The following ZFAT variants were observed in gnomAD, a reference collection of about 807,000 sequenced individuals.
ZFAT encodes zinc finger protein ZFAT.
Under a neutral mutation model 117.7 loss-of-function variants are expected in ZFAT, and 64 were observed. The observed-to-expected ratio is 0.54, with a 90% CI of 0.44 to 0.67. The LOEUF (loss-of-function observed/expected upper bound fraction) is 0.67, where lower values mean the gene tolerates loss of function less well. Among genes scored for constraint, ZFAT ranks in the 30% least tolerant of loss-of-function variants. The pLI is 0.00. For missense variants in ZFAT, 1,433 were observed against 1,584.5 expected (o/e 0.90, Z 1.62); for synonymous variants, 679 against 615.0 (o/e 1.10, Z -1.54).
the ZFAT span, chr8:134,795,508 T>C: frequency 6.6e-6 from 1 of 152,142 alleles, no homozygotes; most frequent in Admixed American, 6.5e-5. Flanking sequence ...TCATACAAAA[T>C]GTGAAAACTC....
chr8:134,643,467 T>A (rs1216535015), intron 2 of ZFAT, among the ~76,000 whole-genome samples: 1 of 152,176 alleles, frequency 6.6e-6, no homozygotes, highest in African/African-American at 2.4e-5. Context: ...GAGGGTACAA[T>A]GTCTAACAGG....
Position 134,512,528 on chromosome 8 carries a change from C to A in ZFAT, c.3308G>T (p.Gly1103Val). ...GAGCGCGGCCACCGCTGCCTGTGTCCCTTGAACGTCTTCTTCGGCCTCTGT... is the reference window on the plus strand; with the variant it reads ...GAGCGCGGCCACCGCTGCCTGTGTCACTTGAACGTCTTCTTCGGCCTCTGT... ...HITEAEEDVQ[G>V]TQAAVAALQD... The change falls in exon 14 of 16, where the codon GGG becomes GTG. Residue 1103 changes from glycine to valine, a missense_variant. Gly to Val is a moderately radical substitution (Grantham distance 109). Transcript: ENST00000377838. 6.2e-7 allele frequency: 1 copy of A among 1,613,950 alleles called. No homozygotes were observed. Among genetic ancestry groups the A allele is most frequent in the Non-Finnish European group, 8.5e-7 (1 of 1,179,878 alleles).
At chr8:134,823,083 G>A in the ZFAT span, among the ~76,000 whole-genome samples, 28 of 152,132 alleles carry the variant, frequency 1.8e-4, no homozygotes, top group Admixed American at 1.8e-3. Context: ...CTGCTCTGTT[G>A]TGGACACTAC....
chr8:134,696,433 C>T (rs564560843), intron 1 of ZFAT: 100 of 985,526 alleles, frequency 1.0e-4, no homozygotes, highest in Non-Finnish European at 1.2e-4. Context: ...AGAATTACCT[C>T]GTAAACCTCC....
chr8:134,713,227 C>A (rs960951788), upstream of ZFAT, among the ~76,000 whole-genome samples: 1 of 152,156 alleles, frequency 6.6e-6, no homozygotes, highest in South Asian at 2.1e-4. Context: ...GGGAGGGGCC[C>A]TCGGGAGGTC....
chr8:134,664,438 C>A (rs569401492), intron 1 of ZFAT, among the ~76,000 whole-genome samples: 1 of 152,188 alleles, frequency 6.6e-6, no homozygotes, highest in Non-Finnish European at 1.5e-5. Context: ...AGTCAGACTC[C>A]CCAGGGGCGC....
At chr8:134,635,686 T>G (rs376766229) in intron 3 of ZFAT, among the ~76,000 whole-genome samples, 1 of 151,152 alleles carries the variant, frequency 6.6e-6, no homozygotes, top group East Asian at 1.9e-4. Flanking sequence ...AGAGTGTGCA[T>G]GCACGCACAA....
the ZFAT span, among the ~76,000 whole-genome samples, chr8:134,825,509 G>C: frequency 6.6e-6 from 1 of 152,180 alleles, no homozygotes; most frequent in East Asian, 1.9e-4. Context: ...ATCTCAGATA[G>C]TTATTTCTTT....
intron 11 of ZFAT, among the ~76,000 whole-genome samples, chr8:134,552,160 T>C (rs147497031): frequency 5.9e-5 from 9 of 152,284 alleles, no homozygotes; most frequent in African/African-American, 1.7e-4. Context: ...TCCCCAGACT[T>C]GTAACCCTGG....
At chr8:134,784,569 C>G in the ZFAT span, 1 of 152,102 alleles carries the variant, frequency 6.6e-6, no homozygotes, top group East Asian at 1.9e-4. Context: ...GCAAAGATCT[C>G]AAGAAATATT....
intron 12 of ZFAT, among the ~76,000 whole-genome samples, chr8:134,527,940 G>A (rs1821140587): frequency 6.6e-6 from 1 of 152,204 alleles, no homozygotes; most frequent in Non-Finnish European, 1.5e-5. Context: ...ATAGGTTTCA[G>A]AGTCAGTCTT....
chr8:134,608,737 C>A lies in ZFAT; in HGVS notation c.777G>T (p.Lys259Asn). Residue 259 changes from lysine to asparagine, a missense_variant, in exon 5 of 16, where the codon AAG becomes AAT. Lys to Asn is a moderately conservative substitution (Grantham distance 94). Coordinates refer to ENST00000377838, the MANE Select transcript of ZFAT (RefSeq NM_020863.4). ...IQQTPYEQPM[K>N]SSRLGPTQLK... Reference sequence around the variant, plus strand: ...AGAACAAAACACTTTACCTGCTTGACTTCATTGGTTGCTCATAAGGTGTCT... The same window carrying A: ...AGAACAAAACACTTTACCTGCTTGAATTCATTGGTTGCTCATAAGGTGTCT... 6.2e-7 allele frequency: 1 copy of A among 1,610,416 alleles called. No individual in the cohort carries two copies. The highest frequency in any genetic ancestry group is 8.5e-7 in the Non-Finnish European group (1 of 1,178,676).
the ZFAT span, among the ~76,000 whole-genome samples, chr8:134,826,219 G>A: frequency 6.6e-6 from 1 of 152,086 alleles, no homozygotes; most frequent in East Asian, 1.9e-4. Flanking sequence ...AGACATCTCT[G>A]CACATTATAG....
At chr8:134,720,806 T>A in the ZFAT span, among the ~76,000 whole-genome samples, 1 of 152,226 alleles carries the variant, frequency 6.6e-6, no homozygotes, top group Non-Finnish European at 1.5e-5. Context: ...TGGGAGTGAA[T>A]CTTCTTGCTG....
Position 134,671,297 on chromosome 8 carries a change from CA to C in ZFAT, c.20-13561del, listed in dbSNP as rs893150365. ...ATACCAAAGCCTGGCAGAGACACAA[CA>C]AAAAAAGAGAATTTTAGACCAATAT... On this transcript the variant is annotated intron_variant, in intron 1 of 15. Coordinates refer to ENST00000377838, the MANE Select transcript of ZFAT (RefSeq NM_020863.4). 2.0e-3 allele frequency among the ~76,000 whole-genome samples: 300 copies of C among 152,072 alleles called. 1 individual carries two copies. The highest frequency in any genetic ancestry group is 7.0e-3 in the African/African-American group (289 of 41,512).
chr8:134,574,107 C>T (rs555040548), intron 10 of ZFAT, among the ~76,000 whole-genome samples: 1 of 152,288 alleles, frequency 6.6e-6, no homozygotes, highest in African/African-American at 2.4e-5. Flanking sequence ...CTTCGCTTCC[C>T]GTTGACTCTC....
chr8:134,501,222 A>ATAGCAT (rs1204197587), intron 15 of ZFAT, among the ~76,000 whole-genome samples: 6 of 152,230 alleles, frequency 3.9e-5, no homozygotes, highest in Non-Finnish European at 8.8e-5. Flanking sequence ...GAGGCCTAAG[A>ATAGCAT]AGCACACTGG....
At chr8:134,518,244 T>A (rs1331123564) in intron 13 of ZFAT, among the ~76,000 whole-genome samples, 1 of 152,236 alleles carries the variant, frequency 6.6e-6, no homozygotes, top group African/African-American at 2.4e-5. Flanking sequence ...CATTTATTTA[T>A]GTCAGTATGG....
At chr8:134,712,531 G>A (rs1055685141) in intron 1 of ZFAT, among the ~76,000 whole-genome samples, 2 of 151,812 alleles carry the variant, frequency 1.3e-5, no homozygotes, top group Non-Finnish European at 1.5e-5. Flanking sequence ...CGAACCTCGC[G>A]CCCACTGCGT....
Sources: gnomAD v4.1 joint callset for allele counts (sites outside exome capture counted in the v4.1 genomes callset) on GRCh38, gnomAD v4.1.1 for gene constraint, MANE v1.5 for transcripts, NCBI Gene and HGNC (gene_info 2026-07-23, HGNC 2026-07-21) for gene names.